Variants in AMZ1 observed in about 807,000 individuals in gnomAD.
The protein encoded by AMZ1 is archaelysin family metallopeptidase 1, also known as archaemetzincin-1.
Under a neutral mutation model 29.9 loss-of-function variants are expected in AMZ1, and 39 were observed. The observed-to-expected ratio is 1.30, with a 90% CI of 1.01 to 1.70. AMZ1 has a LOEUF of 1.70. Among genes scored for constraint, AMZ1 ranks in the 40% most tolerant of loss-of-function variants. The pLI, the probability that AMZ1 is intolerant of heterozygous loss-of-function variation, is 0.00. For synonymous variants in AMZ1, 458 were observed against 304.0 expected, an observed-to-expected ratio of 1.51 and a Z score of -5.27; for missense variants, 1,041 against 680.6, an observed-to-expected ratio of 1.53 and a Z score of -5.89.
At chr7:2,699,534 C>A (rs1384416951) in intron 1 of AMZ1, among the ~76,000 whole-genome samples, 1 of 152,002 alleles carries the variant, frequency 6.6e-6, no homozygotes, top group Non-Finnish European at 1.5e-5. Flanking sequence ...TACCCCCGCC[C>A]CCCCCCAAAC....
intron 5 of AMZ1, 123 bp from the exon 6 acceptor site, chr7:2,709,517 G>T: frequency 7.0e-7 from 1 of 1,429,728 alleles, no homozygotes. Flanking sequence ...AGGGCGCCTG[G>T]ACCACCTCCC....
chr7:2,688,865 A>G (rs1378645621), intron 1 of AMZ1, among the ~76,000 whole-genome samples: 1 of 152,252 alleles, frequency 6.6e-6, no homozygotes, highest in Non-Finnish European at 1.5e-5. Context: ...TCTCAAAACC[A>G]GAAAAGCAAG....
At position 2,725,271 on chromosome 7, in the gene AMZ1, G is replaced by A. The variant is rs138102255; in HGVS notation, n.550+15455G>A. ...GGCTGGAGCCATGGCCATGGCCTGC[G>A]GTAGGCAGAACCACGCCACGCCAGC... On this transcript the variant is annotated intron_variant and non_coding_transcript_variant, in intron 4 of 4. Coordinates refer to the AMZ1 transcript ENST00000489665. Among the ~76,000 whole-genome samples, 784 of 152,320 alleles carry A rather than the reference G, an allele frequency of 5.1e-3. 3 individuals are homozygous for A. The highest frequency in any genetic ancestry group is 8.9e-3 in the South Asian group (43 of 4,834).
intron 3 of AMZ1, among the ~76,000 whole-genome samples, chr7:2,703,288 C>T (rs1220586739): frequency 2.0e-5 from 3 of 152,120 alleles, no homozygotes; most frequent in Non-Finnish European, 4.4e-5. Context: ...GGACTAAAAG[C>T]GCCCACCACA....
Position 2,718,575 on chromosome 7 carries a change from G to A in AMZ1, c.*5697G>A, listed in dbSNP as rs543488455. On this transcript the variant is annotated 3_prime_UTR_variant, in exon 7 of 7. Coordinates refer to ENST00000683327, the MANE Select transcript of AMZ1 (RefSeq NM_001384743.1). ...GACGAAGGTGATGAGCGCGGCTGAC[G>A]GCTCCCGGGGGCAGTGTGGGGTCCA... Among the ~76,000 whole-genome samples, 7 of 152,216 alleles carry A rather than the reference G, an allele frequency of 4.6e-5. No homozygotes were observed. The highest frequency in any genetic ancestry group is 4.1e-4 in the South Asian group (2 of 4,828).
chr7:2,705,908 C>T (rs138848132), intron 3 of AMZ1, among the ~76,000 whole-genome samples: 25 of 152,382 alleles, frequency 1.6e-4, no homozygotes, highest in Non-Finnish European at 2.9e-4. Flanking sequence ...CTCCCCCACG[C>T]CGTACACGGT....
At chr7:2,730,952 T>A (rs1789858348) in intron 4 of AMZ1, 2 of 521,002 alleles carry the variant, frequency 3.8e-6, no homozygotes, top group Non-Finnish European at 6.9e-6. Context: ...ATCACTCGGA[T>A]TTTCAGTAGT....
rs754107925 is a variant in AMZ1, at chr7:2,700,623, C to G, written c.172C>G (p.Leu58Val). 6.2e-7 allele frequency: 1 copy of G among 1,611,144 alleles called. No homozygotes were observed. Among genetic ancestry groups the G allele is most frequent in the African/African-American group, 1.3e-5 (1 of 74,942 alleles). Residue 58 changes from leucine (L) to valine (V), a missense_variant, in exon 2 of 7, where the codon CTG becomes GTG. Transcript: ENST00000683327. Reference protein sequence around the residue: ...YNPQRTLFCTLLIRTGFDWLL... With the variant: ...YNPQRTLFCTVLIRTGFDWLL... ...CCCGCAGAGGACGCTCTTCTGCACC[C>G]TGCTCATCCGCACGGGCTTCGACTG...
intron 3 of AMZ1, among the ~76,000 whole-genome samples, chr7:2,703,277 G>A (rs891599335): frequency 9.2e-5 from 14 of 152,152 alleles, no homozygotes; most frequent in Admixed American, 3.9e-4. Context: ...CTGAGTAGCT[G>A]GGACTAAAAG....
chr7:2,709,193 C>G lies in AMZ1; in HGVS notation c.720C>G (p.Asp240Glu), dbSNP rs1178318829. 6.5e-7 allele frequency: 1 copy of G among 1,533,128 alleles called. No homozygotes were observed. The highest frequency in any genetic ancestry group is 2.3e-5 in the East Asian group (1 of 43,392). The allele number at this position is 1,533,128 out of a possible 1,614,324, so 95.0% of individuals were successfully genotyped here. Residue 240 changes from aspartate to glutamate, a missense_variant, in exon 5 of 7, where the codon GAC (aspartate) becomes GAG (glutamate). Coordinates refer to ENST00000683327, the MANE Select transcript of AMZ1 (RefSeq NM_001384743.1). ...ACGGCCCCGAGGCCCCCCTGCAGGA[C>G]AGGGGCTGGGCCCTGTGCTTCAGTG... ...AADGPEAPLQ[D>E]RGWALCFSAL... is the part of the protein sequence containing the mutation.
chr7:2,738,148 C>A (rs557247072), intron 4 of AMZ1, among the ~76,000 whole-genome samples: 14 of 152,246 alleles, frequency 9.2e-5, no homozygotes, highest in Non-Finnish European at 1.6e-4. Context: ...GAGGACCAGG[C>A]GTGGTGGCTC....
At chr7:2,704,871 C>T (rs1268270331) in intron 3 of AMZ1, among the ~76,000 whole-genome samples, 5 of 152,006 alleles carry the variant, frequency 3.3e-5, no homozygotes, top group African/African-American at 2.4e-5. Flanking sequence ...GCTGGGATTA[C>T]AGGTGTGAGC....
At chr7:2,754,989 T>A (rs950971319) in intron 4 of AMZ1, among the ~76,000 whole-genome samples, 6 of 152,226 alleles carry the variant, frequency 3.9e-5, no homozygotes, top group Admixed American at 1.3e-4. Context: ...CAAGGTTCAC[T>A]TTTTCTTCCC....
At chr7:2,683,419 TTTTG>T (rs199500144), upstream of AMZ1, among the ~76,000 whole-genome samples, 147 of 151,982 alleles carry the variant, frequency 9.7e-4, no homozygotes, top group African/African-American at 2.3e-3. Context: ...CTTTCTGTTT[TTTTG>T]TTTGTTTGTT....
upstream of AMZ1, chr7:2,763,298 A>T: frequency 5.2e-6 from 1 of 194,088 alleles, no homozygotes; most frequent in Non-Finnish European, 9.7e-6. Flanking sequence ...TGTGAGGCTG[A>T]GACACAGCCC....
upstream of AMZ1, chr7:2,763,067 G>T (rs1336587156): frequency 1.2e-5 from 15 of 1,247,426 alleles, no homozygotes; most frequent in African/African-American, 1.7e-4. Flanking sequence ...GCAGACCGGG[G>T]CTCCCTACCA....
intron 1 of AMZ1, among the ~76,000 whole-genome samples, chr7:2,688,584 C>G (rs1016936212): frequency 1.3e-5 from 2 of 152,226 alleles, no homozygotes; most frequent in Non-Finnish European, 2.9e-5. Context: ...CCATCCTCTC[C>G]CAGGCCAGGG....
rs1789288628 is a variant in AMZ1, at chr7:2,718,919, C to T, written c.*6041C>T. Among the ~76,000 whole-genome samples, 1 of 152,042 alleles carries T rather than the reference C, an allele frequency of 6.6e-6. No individual in the cohort carries two copies. Among genetic ancestry groups the T allele is most frequent in the African/African-American group, 2.4e-5 (1 of 41,378 alleles). ...ACACGCTTTTCTCAGGGTCGCTTAA[C>T]ACAGGCAGGGGTACAGGAGAGCTCC... On this transcript the variant is annotated 3_prime_UTR_variant, in exon 7 of 7. Coordinates refer to ENST00000683327, the MANE Select transcript of AMZ1 (RefSeq NM_001384743.1).
intron 2 of AMZ1, 188 bp from the exon 3 acceptor site, chr7:2,702,534 C>T (rs914601499): frequency 2.4e-5 from 15 of 622,716 alleles, no homozygotes; most frequent in Non-Finnish European, 3.8e-5. Context: ...CTGTGTCCCT[C>T]GGTGTTTGCC....
Sources: allele counts gnomAD v4.1 joint callset (sites outside exome capture counted in the v4.1 genomes callset), GRCh38; gene constraint gnomAD v4.1.1; transcripts MANE v1.5; gene names NCBI Gene and HGNC (gene_info 2026-07-23, HGNC 2026-07-21).